Variants in GABRB3 observed in about 807,000 individuals in gnomAD.
GABRB3 encodes the protein gamma-aminobutyric acid type A receptor subunit beta3.
Under a neutral mutation model 52.1 loss-of-function variants are expected in GABRB3, and 14 were observed. The ratio of observed to expected loss-of-function variants is 0.27; its 90% CI spans 0.18 to 0.42. The LOEUF (loss-of-function observed/expected upper bound fraction) is 0.42. Among genes scored for constraint, GABRB3 ranks in the 10% least tolerant of loss-of-function variants. The probability of loss-of-function intolerance (pLI) is 1.00; values close to 1 mark genes in which losing one functional copy is unlikely to be tolerated. For missense variants in GABRB3, 307 were observed against 609.1 expected (o/e 0.50, Z 5.22); for synonymous variants, 260 against 232.3 (o/e 1.12, Z -1.08).
chr15:26,634,898 A>C (rs1356522546), intron 3 of GABRB3, among the ~76,000 whole-genome samples: 2 of 119,226 alleles, frequency 1.7e-5, no homozygotes. Flanking sequence ...AAAACTTTAA[A>C]AATTATATAT....
At chr15:26,750,283 A>T (rs566284072) in intron 3 of GABRB3, 1 of 152,330 alleles carries the variant, frequency 6.6e-6, no homozygotes, top group African/African-American at 2.4e-5. Context: ...GTGGGTGTTA[A>T]TTATCCATTC....
intron 3 of GABRB3, among the ~76,000 whole-genome samples, chr15:26,656,356 T>G (rs907652207): frequency 2.0e-5 from 3 of 152,176 alleles, no homozygotes; most frequent in Admixed American, 2.0e-4. Flanking sequence ...CAATAAGGAT[T>G]AGGTGACACA....
rs1286620585 is a variant in GABRB3, at chr15:26,546,661, T to C, written c.*1132A>G. 2 of 152,580 alleles carry C rather than the reference T, an allele frequency of 1.3e-5. No individual in the cohort carries two copies. The highest frequency in any genetic ancestry group is 4.8e-5 in the African/African-American group (2 of 41,428). 9.5% of individuals were successfully genotyped at this position (152,580 alleles called of 1,614,324 possible). A position where few individuals can be genotyped will look rare whatever the true frequency, so the allele number is the denominator to read the frequency against. On this transcript the variant is annotated 3_prime_UTR_variant, in exon 9 of 9. Coordinates refer to ENST00000311550, the MANE Select transcript of GABRB3 (RefSeq NM_000814.6). ...AGTAGAAGTGTTTTAGCTTCAATCT[T>C]AATTTCTAGATAACAGAAAGTAGTT...
intron 3 of GABRB3, among the ~76,000 whole-genome samples, chr15:26,672,156 G>A (rs986891970): frequency 2.0e-5 from 3 of 152,094 alleles, no homozygotes; most frequent in Non-Finnish European, 4.4e-5. Flanking sequence ...ACGTGCCACA[G>A]TGACATAGGA....
chr15:26,635,269 G>A (rs548148177), intron 3 of GABRB3, among the ~76,000 whole-genome samples: 5 of 151,748 alleles, frequency 3.3e-5, no homozygotes, highest in Non-Finnish European at 7.4e-5. Flanking sequence ...TACCCCTGGA[G>A]ACTGGCGAGT....
At chr15:26,622,743 T>C (rs1205786782) in intron 3 of GABRB3, among the ~76,000 whole-genome samples, 3 of 152,152 alleles carry the variant, frequency 2.0e-5, no homozygotes, top group African/African-American at 4.8e-5. Flanking sequence ...CTGCTCTCAA[T>C]AGTGTTGGAA....
intron 3 of GABRB3, among the ~76,000 whole-genome samples, chr15:26,634,268 A>G (rs1461973669): frequency 1.3e-5 from 2 of 152,080 alleles, no homozygotes; most frequent in Non-Finnish European, 2.9e-5. Flanking sequence ...GATGCCCCAC[A>G]TGCAACCCAA....
intron 4 of GABRB3, among the ~76,000 whole-genome samples, chr15:26,604,681 A>G (rs927195304): frequency 6.6e-6 from 1 of 152,150 alleles, no homozygotes; most frequent in Non-Finnish European, 1.5e-5. Flanking sequence ...CAGTCTCTTC[A>G]ATGTATGGTC....
At chr15:26,601,628 G>A (rs991939228) in intron 4 of GABRB3, among the ~76,000 whole-genome samples, 3 of 152,116 alleles carry the variant, frequency 2.0e-5, no homozygotes, top group African/African-American at 7.2e-5. Context: ...GTTACCAAGT[G>A]GAGACAAAGT....
At chr15:26,643,555 T>C (rs764051061) in intron 3 of GABRB3, among the ~76,000 whole-genome samples, 1 of 149,440 alleles carries the variant, frequency 6.7e-6, no homozygotes, top group Non-Finnish European at 1.5e-5. Context: ...TCAACGCTCC[T>C]ATCATCAGCA....
intron 4 of GABRB3, among the ~76,000 whole-genome samples, chr15:26,604,570 TACAG>T (rs1024028621): frequency 6.6e-6 from 1 of 152,104 alleles, no homozygotes. Flanking sequence ...AAAACAGACA[TACAG>T]ACCAACAGAA....
chr15:26,582,970 C>T (rs1890841112), intron 5 of GABRB3, among the ~76,000 whole-genome samples: 1 of 152,170 alleles, frequency 6.6e-6, no homozygotes, highest in South Asian at 2.1e-4. Context: ...AAGCCGAGTT[C>T]CTGATGGGAA....
At position 26,590,460 on chromosome 15, in the gene GABRB3, G is replaced by T. The variant is rs550941586; in HGVS notation, c.462-7046C>A. 2.0e-5 allele frequency among the ~76,000 whole-genome samples: 3 copies of T among 152,180 alleles called. No homozygotes were observed. The South Asian group carries it at 6.2e-4, about 32-fold the overall frequency. On this transcript the variant is annotated intron_variant, in intron 4 of 8. Coordinates refer to ENST00000311550, the MANE Select transcript of GABRB3 (RefSeq NM_000814.6). ...CAACTCACTCTCATCTTCATTCATC[G>T]TTCCTCTGATGCAGGATGCACTGGC...
At chr15:26,732,135 T>C (rs564625030) in intron 3 of GABRB3, among the ~76,000 whole-genome samples, 31 of 149,976 alleles carry the variant, frequency 2.1e-4, no homozygotes, top group Non-Finnish European at 3.0e-4. Flanking sequence ...GATGGACAGA[T>C]GGATGGATGG....
intron 4 of GABRB3, among the ~76,000 whole-genome samples, chr15:26,617,827 C>T (rs1389929261): frequency 1.3e-5 from 2 of 151,896 alleles, no homozygotes; most frequent in Non-Finnish European, 2.9e-5. Context: ...TCTCAGGATA[C>T]AAAATCAATG....
chr15:26,558,822 G>A (rs1889860197), intron 8 of GABRB3, among the ~76,000 whole-genome samples: 1 of 150,674 alleles, frequency 6.6e-6, no homozygotes, highest in African/African-American at 2.5e-5. Flanking sequence ...TGGGCAACAA[G>A]AGCGAAACTC....
chr15:26,561,219 A>T, intron 7 of GABRB3, 43 bp from the exon 8 acceptor site: 1 of 1,610,246 alleles, frequency 6.2e-7, no homozygotes. Context: ...ACTTTGCCAC[A>T]TTGGTCTTCA....
intron 7 of GABRB3, among the ~76,000 whole-genome samples, chr15:26,565,813 G>A (rs887758610): frequency 4.6e-5 from 7 of 152,066 alleles, no homozygotes; most frequent in Non-Finnish European, 7.3e-5. Flanking sequence ...TCGCAGTGAC[G>A]GCAAATTCTC....
At chr15:26,747,278 C>CT (rs563279458) in intron 3 of GABRB3, among the ~76,000 whole-genome samples, 45 of 152,244 alleles carry the variant, frequency 3.0e-4, no homozygotes, top group African/African-American at 1.0e-3. Flanking sequence ...CTTGCTGGGA[C>CT]TTTGATAGGG....
Sources: gnomAD v4.1 joint callset for allele counts (sites outside exome capture counted in the v4.1 genomes callset) on GRCh38, gnomAD v4.1.1 for gene constraint, MANE v1.5 for transcripts, NCBI Gene and HGNC (gene_info 2026-07-23, HGNC 2026-07-21) for gene names.